Variants in ITPR1 observed in about 807,000 individuals in gnomAD.
ITPR1 encodes the protein inositol 1,4,5-trisphosphate receptor type 1.
In ITPR1, 96 loss-of-function variants were observed where a neutral mutation model predicts 318.4. That is an observed-to-expected ratio of 0.30 (90% CI 0.26 to 0.36). The LOEUF (loss-of-function observed/expected upper bound fraction) is 0.36, where lower values mean the gene tolerates loss of function less well. ITPR1 is among the 10% of genes least tolerant of loss of function. The probability of loss-of-function intolerance (pLI) is 1.00; values close to 1 mark genes in which losing one functional copy is unlikely to be tolerated. For missense variants in ITPR1, 2,440 were observed against 3,460.2 expected (o/e 0.71, Z 7.40); for synonymous variants, 1,312 against 1,289.9 (o/e 1.02, Z -0.37).
At position 4,574,782 on chromosome 3, in the gene ITPR1, A is replaced by G. The variant is rs568890271; in HGVS notation, c.164-52981A>G. ...ATAATGTCATGGGATTGGAACATCA[A>G]TTTTGCCTGTTCCCACCGCCTCATG... On this transcript the variant is annotated intron_variant, in intron 4 of 61. Transcript: ENST00000649015. Among the ~76,000 whole-genome samples, 5 of 152,322 alleles carry G rather than the reference A, an allele frequency of 3.3e-5. No individual in the cohort carries two copies. The East Asian group carries it at 7.7e-4, about 23-fold the overall frequency.
At chr3:4,778,267 G>A (rs1449751517) in intron 48 of ITPR1, among the ~76,000 whole-genome samples, 1 of 152,202 alleles carries the variant, frequency 6.6e-6, no homozygotes, top group Non-Finnish European at 1.5e-5. Flanking sequence ...TTCAAAACAT[G>A]TTAGCCTTTC....
Position 4,687,347 on chromosome 3 carries a change from C to T in ITPR1, c.3703-1148C>T, listed in dbSNP as rs140542929. ...TCTAAGCACTTCATGTGACTTTTCT[C>T]ACTTAATCTTCATAACAATCACATG... On this transcript the variant is annotated intron_variant, in intron 30 of 61. Transcript: ENST00000649015. Among the ~76,000 whole-genome samples, 9 of 152,316 alleles carry T rather than the reference C, an allele frequency of 5.9e-5. No homozygotes were observed. In the East Asian group the frequency reaches 9.6e-4, roughly 16 times the overall value.
chr3:4,684,266 C>T lies in ITPR1; in HGVS notation c.3499-15C>T. On this transcript the variant is annotated splice_polypyrimidine_tract_variant and intron_variant, in intron 28 of 61. Coordinates refer to ENST00000649015, the MANE Select transcript of ITPR1 (RefSeq NM_001378452.1). The stretch of plus-strand genomic sequence containing the variant: ...GAGTTGTACAGATCACACTTGTGTT[C>T]ACTTTGGTTTCTAGGAGGGAAATAA... The T allele has an allele frequency of 6.3e-7, 1 of 1,587,302 alleles. No individual in the cohort carries two copies. The highest frequency in any genetic ancestry group is 8.6e-7 in the Non-Finnish European group (1 of 1,157,904).
At chr3:4,839,762 G>T (rs971408589) in intron 61 of ITPR1, among the ~76,000 whole-genome samples, 7 of 152,170 alleles carry the variant, frequency 4.6e-5, no homozygotes, top group African/African-American at 1.4e-4. Flanking sequence ...ATGGACTAAG[G>T]TTCATTAAGT....
chr3:4,688,420 A>T, intron 30 of ITPR1, 75 bp from the exon 31 acceptor site: 1 of 1,565,536 alleles, frequency 6.4e-7, no homozygotes, highest in Non-Finnish European at 8.7e-7. Flanking sequence ...CCACGTTAGC[A>T]GGAGGTGTTG....
chr3:4,617,994 A>G (rs1165580793), intron 4 of ITPR1, among the ~76,000 whole-genome samples: 1 of 152,016 alleles, frequency 6.6e-6, no homozygotes, highest in East Asian at 1.9e-4. Flanking sequence ...ATCTCAAAAA[A>G]AAAAAAAAAA....
chr3:4,500,852 A>G (rs950935020), intron 2 of ITPR1, among the ~76,000 whole-genome samples: 1 of 151,900 alleles, frequency 6.6e-6, no homozygotes, highest in Non-Finnish European at 1.5e-5. Flanking sequence ...GCCTTGATGA[A>G]CTTTTTATTT....
At chr3:4,713,339 T>C (rs564235604) in intron 39 of ITPR1, among the ~76,000 whole-genome samples, 1 of 152,360 alleles carries the variant, frequency 6.6e-6, no homozygotes, top group Admixed American at 6.5e-5. Flanking sequence ...TTCTCTTATT[T>C]GGAATATCTA....
At chr3:4,639,354 T>A in intron 5 of ITPR1, 30 bp from the exon 6 acceptor site, 1 of 1,509,250 alleles carries the variant, frequency 6.6e-7, no homozygotes, top group East Asian at 2.4e-5. Flanking sequence ...GGTTTCCTCT[T>A]TGTGATCAAT....
intron 61 of ITPR1, 149 bp downstream of exon 61, chr3:4,837,084 C>T: frequency 3.6e-6 from 2 of 558,878 alleles, no homozygotes; most frequent in Non-Finnish European, 5.8e-6. Context: ...CCACTCACTC[C>T]TCCAGTCTCC....
chr3:4,576,019 C>CAAAAAAAAAAAAAAAAAAAAAAAA (rs35517382), intron 4 of ITPR1, among the ~76,000 whole-genome samples: 1 of 80,780 alleles, frequency 1.2e-5, no homozygotes, highest in African/African-American at 3.8e-5. Flanking sequence ...GATGCTGTCT[C>CAAAAAAAAAAAAAAAAAAAAAAAA]AAAAAAAAAA....
intron 2 of ITPR1, among the ~76,000 whole-genome samples, chr3:4,515,618 G>C (rs1178753103): frequency 6.6e-6 from 1 of 152,152 alleles, no homozygotes; most frequent in East Asian, 1.9e-4. Context: ...TGGCCCTGAT[G>C]AAAGCTGTTT....
intron 4 of ITPR1, among the ~76,000 whole-genome samples, chr3:4,521,415 C>T (rs1238119077): frequency 2.0e-5 from 3 of 152,130 alleles, no homozygotes. Context: ...AGGGAACATT[C>T]ATTATTTCAG....
At chr3:4,825,754 A>G (rs1221901317) in intron 60 of ITPR1, 2 of 456,756 alleles carry the variant, frequency 4.4e-6, no homozygotes, top group Non-Finnish European at 8.8e-6. Flanking sequence ...ACCTTGACCC[A>G]AGAGAGAGCC....
intron 4 of ITPR1, among the ~76,000 whole-genome samples, chr3:4,570,330 A>G (rs2087845152): frequency 6.6e-6 from 1 of 152,250 alleles, no homozygotes; most frequent in African/African-American, 2.4e-5. Flanking sequence ...TGTGAATAGC[A>G]TTTAAGAAAG....
At chr3:4,790,414 A>G (rs2047480216) in intron 52 of ITPR1, among the ~76,000 whole-genome samples, 1 of 152,182 alleles carries the variant, frequency 6.6e-6, no homozygotes, top group Non-Finnish European at 1.5e-5. Flanking sequence ...TCTTTTTTTG[A>G]AAAACAGTTT....
intron 59 of ITPR1, among the ~76,000 whole-genome samples, chr3:4,816,806 C>G (rs1311027305): frequency 6.6e-6 from 1 of 152,214 alleles, no homozygotes; most frequent in Non-Finnish European, 1.5e-5. Flanking sequence ...CTTAAACTTT[C>G]ACCCCTCAGC....
chr3:4,814,881 G>A (rs951920227), intron 58 of ITPR1, 172 bp from the exon 59 acceptor site: 2 of 645,756 alleles, frequency 3.1e-6, no homozygotes, highest in African/African-American at 1.8e-5. Context: ...ACTTGGAGAA[G>A]TCGCAATTGA....
rs562214181 is a variant in ITPR1, at chr3:4,630,122, A to T, written c.279+2244A>T. Among the ~76,000 whole-genome samples, 69 of 152,348 alleles carry T rather than the reference A, an allele frequency of 4.5e-4. 1 individual carries two copies. In the South Asian group the frequency reaches 0.013, roughly 29 times the overall value. On this transcript the variant is annotated intron_variant, in intron 5 of 61. Transcript: ENST00000649015. ...ATAAAAGGAAAGTAATAAATTATATAGTAAATTGAATACTCTTCTTAAGTC... is the reference window on the plus strand; with the variant it reads ...ATAAAAGGAAAGTAATAAATTATATTGTAAATTGAATACTCTTCTTAAGTC...
Sources: gnomAD v4.1 joint callset for allele counts (sites outside exome capture counted in the v4.1 genomes callset) on GRCh38, gnomAD v4.1.1 for gene constraint, MANE v1.5 for transcripts, NCBI Gene and HGNC (gene_info 2026-07-23, HGNC 2026-07-21) for gene names.